CYP2J2: variants seen among roughly 807,000 people sequenced by gnomAD.
CYP2J2 encodes cytochrome P450 family 2 subfamily J member 2.
A neutral mutation model predicts 48.8 loss-of-function variants in CYP2J2; 41 were observed. The ratio of observed to expected loss-of-function variants is 0.84; its 90% confidence interval spans 0.66 to 1.09. CYP2J2 has a LOEUF of 1.09. Ranked by LOEUF, CYP2J2 falls within the 50% of genes least tolerant of loss-of-function variation. The pLI, the probability that CYP2J2 is intolerant of heterozygous loss-of-function variation, is 0.00. For synonymous variants in CYP2J2, 221 were observed against 227.1 expected (o/e 0.97, Z 0.24); for missense variants, 644 against 617.3 (o/e 1.04, Z -0.46).
chr1:59,917,442 A>G (rs1644476275), intron 1 of CYP2J2, among the ~76,000 whole-genome samples: 1 of 152,218 alleles, frequency 6.6e-6, no homozygotes, highest in African/African-American at 2.4e-5. Flanking sequence ...AAGACAGAAA[A>G]TGAATTATAG....
intron 6 of CYP2J2, among the ~76,000 whole-genome samples, chr1:59,906,404 T>C (rs567580556): frequency 1.3e-5 from 2 of 152,020 alleles, no homozygotes; most frequent in African/African-American, 4.8e-5. Context: ...GAGCAACAAG[T>C]TGGAAGGAGC....
intron 5 of CYP2J2, among the ~76,000 whole-genome samples, 156 bp from the exon 6 acceptor site, chr1:59,908,083 T>C (rs1394945574): frequency 3.9e-5 from 6 of 152,204 alleles, no homozygotes; most frequent in Non-Finnish European, 8.8e-5. Context: ...CAGACTCTTA[T>C]TACAGCAATA....
intron 8 of CYP2J2, among the ~76,000 whole-genome samples, chr1:59,897,605 C>G (rs1644281045): frequency 6.6e-6 from 1 of 152,180 alleles, no homozygotes; most frequent in Non-Finnish European, 1.5e-5. Context: ...AATGAGAGAA[C>G]TGACTTACAA....
chr1:59,943,332 A>G, the CYP2J2 span, among the ~76,000 whole-genome samples: 7 of 152,274 alleles, frequency 4.6e-5, no homozygotes, highest in South Asian at 1.5e-3. Flanking sequence ...CGAATGGAGA[A>G]AGAGAGAGGA....
the CYP2J2 span, among the ~76,000 whole-genome samples, chr1:59,935,007 T>TATAC: frequency 7.4e-5 from 3 of 40,450 alleles, no homozygotes; most frequent in African/African-American, 4.3e-4. Context: ...TATATATATA[T>TATAC]ATATATACAT....
chr1:59,896,328 GTATA>G (rs59615950), intron 8 of CYP2J2, among the ~76,000 whole-genome samples: 38 of 146,946 alleles, frequency 2.6e-4, no homozygotes, highest in African/African-American at 9.5e-4. Context: ...TACACACCAA[GTATA>G]TATATATATA....
At chr1:59,949,424 A>AT in the CYP2J2 span, among the ~76,000 whole-genome samples, 1 of 152,100 alleles carries the variant, frequency 6.6e-6, no homozygotes, top group Non-Finnish European at 1.5e-5. Context: ...AAATATACTT[A>AT]TTTTTTAGTG....
At chr1:59,930,994 A>G (rs527823226), upstream of CYP2J2, among the ~76,000 whole-genome samples, 19 of 152,142 alleles carry the variant, frequency 1.2e-4, no homozygotes, top group Non-Finnish European at 2.8e-4. Flanking sequence ...TCTGGTTTCC[A>G]GTCCAGTGTG....
Position 59,916,116 on chromosome 1 carries a change from A to G in CYP2J2, c.211-16T>C. ...TCTTCACAAACTGAAAAATAGTTAA[A>G]TCGTAACAGTTGAATATGCACATGT... On this transcript the variant is annotated splice_polypyrimidine_tract_variant and intron_variant, in intron 1 of 8. Coordinates refer to ENST00000371204, the MANE Select transcript of CYP2J2 (RefSeq NM_000775.4). 1 of 1,603,326 alleles carries G rather than the reference A, an allele frequency of 6.2e-7. No individual in the cohort carries two copies.
rs571385472 is a variant in CYP2J2, at chr1:59,895,856, G to T, written c.1331-2027C>A. 3.9e-5 allele frequency among the ~76,000 whole-genome samples: 6 copies of T among 152,150 alleles called. No homozygotes were observed. In the South Asian group the frequency reaches 1.2e-3, roughly 32 times the overall value. ...TCTGTCATTTCTTCCACATTTATTA[G>T]TTAACACTTTACTAAGGGAAATGCT... is the stretch of plus-strand genomic sequence containing the variant. On this transcript the variant is annotated intron_variant, in intron 8 of 8. Transcript: ENST00000371204.
chr1:59,893,813 G>T lies in CYP2J2; in HGVS notation c.1347C>A (p.Leu449=). 2 of 1,605,974 alleles carry T rather than the reference G, an allele frequency of 1.2e-6. No individual in the cohort carries two copies. The highest frequency in any genetic ancestry group is 2.3e-5 in the South Asian group (2 of 88,646). ...GCTCAGTCCTGGCCAACTGTTCTCCGAGGCATGCCCGCTTTCCTGTAAGAC... is the reference window on the plus strand; with the variant it reads ...GCTCAGTCCTGGCCAACTGTTCTCCTAGGCATGCCCGCTTTCCTGTAAGAC... The part of the protein sequence containing the change: ...MPFSIGKRAC[L]GEQLARTELF... The change falls in exon 9 of 9, where the codon CTC becomes CTA. Residue 449 remains leucine (L), a synonymous_variant. Coordinates refer to ENST00000371204, the MANE Select transcript of CYP2J2 (RefSeq NM_000775.4).
chr1:59,922,380 T>A (rs1285087993), intron 1 of CYP2J2, among the ~76,000 whole-genome samples: 1 of 152,284 alleles, frequency 6.6e-6, no homozygotes, highest in Non-Finnish European at 1.5e-5. Flanking sequence ...TTATGTAAGA[T>A]CTATTAGTTA....
At chr1:59,918,144 G>A (rs1292352924) in intron 1 of CYP2J2, among the ~76,000 whole-genome samples, 1 of 152,126 alleles carries the variant, frequency 6.6e-6, no homozygotes, top group Admixed American at 6.5e-5. Context: ...AAGCATCTTT[G>A]CTTCTAAGAA....
chr1:59,900,696 T>C (rs578093891), intron 8 of CYP2J2, among the ~76,000 whole-genome samples: 7 of 152,128 alleles, frequency 4.6e-5, no homozygotes, highest in African/African-American at 1.7e-4. Flanking sequence ...GGAGTCTGGA[T>C]CTCTGTCACC....
the CYP2J2 span, among the ~76,000 whole-genome samples, chr1:59,938,385 G>A: frequency 6.6e-6 from 1 of 152,214 alleles, no homozygotes; most frequent in Non-Finnish European, 1.5e-5. Context: ...GGAGAGCAGG[G>A]TGATAGTGAG....
rs11572191 is a variant in CYP2J2 at position 59,926,599 on chromosome 1, G to A, written c.148C>T (p.Leu50=). The change falls in exon 1 of 9, where the codon CTG becomes TTG. Residue 50 remains leucine, a synonymous_variant. Transcript: ENST00000371204. ...PKNYPPGPWR[L]PFLGNFFLVD... The stretch of plus-strand genomic sequence containing the variant: ...AGGAAGAAGTTGCCAAGGAAGGGCA[G>A]GCGCCAGGGCCCCGGCGGGTAGTTC... 0.095 allele frequency: 152,639 copies of A among 1,614,162 alleles called. 8,217 individuals are homozygous for A. Among genetic ancestry groups the A allele is most frequent in the Non-Finnish European group, 0.11 (126,984 of 1,180,004 alleles).
chr1:59,953,674 T>A, the CYP2J2 span, among the ~76,000 whole-genome samples: 1 of 152,038 alleles, frequency 6.6e-6, no homozygotes, highest in African/African-American at 2.4e-5. Context: ...ATGGAGGCAG[T>A]AGGCCACGTG....
At chr1:59,946,268 T>C in the CYP2J2 span, among the ~76,000 whole-genome samples, 1 of 152,172 alleles carries the variant, frequency 6.6e-6, no homozygotes, top group Non-Finnish European at 1.5e-5. Flanking sequence ...CCCTCCTGAC[T>C]CAGAGCCTCT....
the CYP2J2 span, among the ~76,000 whole-genome samples, chr1:59,964,641 GT>G: frequency 6.6e-6 from 1 of 152,154 alleles, no homozygotes; most frequent in Non-Finnish European, 1.5e-5. Context: ...GCAGTCCTGA[GT>G]TTTTTCCTCC....
Sources: gnomAD v4.1 joint callset for allele counts (sites outside exome capture counted in the v4.1 genomes callset) on GRCh38, gnomAD v4.1.1 for gene constraint, MANE v1.5 for transcripts, NCBI Gene and HGNC (gene_info 2026-07-23, HGNC 2026-07-21) for gene names.